Variants in MCM3AP observed in about 807,000 individuals in gnomAD.
MCM3AP encodes germinal-center associated nuclear protein.
MCM3AP carries 126 observed loss-of-function variants against 184.1 expected under a neutral mutation model. That is an observed-to-expected ratio of 0.68 (90% confidence interval 0.59 to 0.79). The LOEUF is 0.79. Among genes scored for constraint, MCM3AP ranks in the 30% least tolerant of loss-of-function variants. The probability of loss-of-function intolerance (pLI) is 0.00; values close to 1 mark genes in which losing one functional copy is unlikely to be tolerated. For synonymous variants in MCM3AP, 1,002 were observed against 979.3 expected, an observed-to-expected ratio of 1.02 and a Z score of -0.43; for missense variants, 2,496 against 2,479.2, an observed-to-expected ratio of 1.01 and a Z score of -0.14.
rs764811409 is a variant in MCM3AP, at chr21:46,261,414, A to G, written c.3336-3T>C. The G allele has an allele frequency of 5.2e-5, 84 of 1,613,656 alleles. No individual in the cohort carries two copies. The highest frequency in any genetic ancestry group is 6.9e-5 in the Non-Finnish European group (82 of 1,179,888). ...CCTCCATAGCAGCATTAGAAACACTAAACGGAGCAAAGGGGATAGCATTCA... is the reference window on the plus strand; with the variant it reads ...CCTCCATAGCAGCATTAGAAACACTGAACGGAGCAAAGGGGATAGCATTCA... On this transcript the variant is annotated splice_polypyrimidine_tract_variant and splice_region_variant and intron_variant, in intron 13 of 27. Coordinates refer to ENST00000291688, the MANE Select transcript of MCM3AP (RefSeq NM_003906.5).
intron 13 of MCM3AP, among the ~76,000 whole-genome samples, chr21:46,262,654 GA>G (rs376598121): frequency 2.8e-5 from 4 of 143,572 alleles, no homozygotes; most frequent in Admixed American, 6.9e-5. Flanking sequence ...TCTCAAAAAA[GA>G]AAAAAAAAAG....
chr21:46,258,087 G>A (rs1331317686), intron 16 of MCM3AP, among the ~76,000 whole-genome samples: 1 of 152,152 alleles, frequency 6.6e-6, no homozygotes, highest in African/African-American at 2.4e-5. Flanking sequence ...AGCAAAGGAA[G>A]GCTCAGAGCA....
chr21:46,256,676 G>A lies in MCM3AP; in HGVS notation c.3932+113C>T, dbSNP rs17176632. ...TCGCCTCCAGGCTTCACCTATCTTC[G>A]CCTCCAGGCTTCACCTATCTTCACC... is the stretch of plus-strand genomic sequence containing the variant. On this transcript the variant is annotated intron_variant, in intron 17 of 27. Transcript: ENST00000291688. 3.0e-3 allele frequency: 3,907 copies of A among 1,315,424 alleles called. 11 individuals are homozygous for A. The highest frequency in any genetic ancestry group is 0.013 in the Middle Eastern group (48 of 3,666). 81.5% of individuals were successfully genotyped at this position (1,315,424 alleles called of 1,614,324 possible).
Position 46,284,853 on chromosome 21 carries a change from C to T in MCM3AP, c.434G>A (p.Ser145Asn), listed in dbSNP as rs751278890. ...VNSGFGKTEF[S>N]FKPLENAVFK... ...CACTGCATTTTCCAGAGGTTTAAAG[C>T]TGAATTCTGTTTTCCCAAAACCAGA... Residue 145 changes from serine to asparagine, a missense_variant, in exon 1 of 28, where the codon AGC becomes AAC. Ser to Asn is a conservative substitution (Grantham distance 46, BLOSUM62 1). Around this residue, in one of 5 missense-constraint regions of MCM3AP, gnomAD observed 800 missense variants for 717.1 expected, o/e 1.12. Coordinates refer to ENST00000291688, the MANE Select transcript of MCM3AP (RefSeq NM_003906.5). The T allele has an allele frequency of 6.2e-7, 1 of 1,614,132 alleles. No homozygotes were observed. Among genetic ancestry groups the T allele is most frequent in the Non-Finnish European group, 8.5e-7 (1 of 1,180,040 alleles).
chr21:46,257,062 C>G (rs1294041704), intron 16 of MCM3AP, 76 bp from the exon 17 acceptor site: 1 of 1,523,968 alleles, frequency 6.6e-7, no homozygotes, highest in Admixed American at 2.0e-5. Context: ...AGTCAGAACT[C>G]AGGCATGGGG....
chr21:46,261,593 C>T lies in MCM3AP; in HGVS notation c.3336-182G>A, dbSNP rs191602769. The stretch of plus-strand genomic sequence containing the variant: ...ACTAAAAATACAAAAATTAGCCAGG[C>T]GCGGCAGCACACGCCTGTAGCCCCA... On this transcript the variant is annotated intron_variant, in intron 13 of 27. Transcript: ENST00000291688. Among the ~76,000 whole-genome samples the T allele has an allele frequency of 0.021, 3,123 of 151,820 alleles. 98 individuals carry two copies. The highest frequency in any genetic ancestry group is 0.08 in the South Asian group (381 of 4,790).
Position 46,284,228 on chromosome 21 carries a change from A to G in MCM3AP, c.1059T>C (p.Gly353=), listed in dbSNP as rs746022256. The part of the protein sequence containing the change: ...QDVFKSNKEV[G]RLGNKEAKKE... ...TTTTGGCCTCCTTGTTGCCCAGACGACCTACTTCCTTATTGCTTTTGAAAA... is the reference window on the plus strand; with the variant it reads ...TTTTGGCCTCCTTGTTGCCCAGACGGCCTACTTCCTTATTGCTTTTGAAAA... The change falls in exon 1 of 28, where the codon GGT becomes GGC. Residue 353 remains glycine, a synonymous_variant. Coordinates refer to ENST00000291688, the MANE Select transcript of MCM3AP (RefSeq NM_003906.5). The G allele has an allele frequency of 1.2e-6, 2 of 1,614,002 alleles. No individual in the cohort carries two copies. The highest frequency in any genetic ancestry group is 1.7e-5 in the Admixed American group (1 of 59,982).
chr21:46,266,652 C>A (rs1457105750), intron 10 of MCM3AP: 2 of 310,720 alleles, frequency 6.4e-6, no homozygotes, highest in Non-Finnish European at 1.2e-5. Flanking sequence ...TCCATCCCAG[C>A]CGTCAGAGGT....
At chr21:46,275,529 C>T (rs748008785) in intron 5 of MCM3AP, among the ~76,000 whole-genome samples, 3 of 152,126 alleles carry the variant, frequency 2.0e-5, no homozygotes, top group Non-Finnish European at 4.4e-5. Context: ...CATCAAAGCT[C>T]CCAAAGACCC....
intron 3 of MCM3AP, 131 bp downstream of exon 3, chr21:46,280,364 GAA>G: frequency 6.0e-6 from 5 of 829,014 alleles, no homozygotes; most frequent in Non-Finnish European, 9.5e-6. Flanking sequence ...ATGAGAAACT[GAA>G]AAGAGGGCCA....
Position 46,246,463 on chromosome 21 carries a change from A to G in MCM3AP, c.4550-59T>C, listed in dbSNP as rs770152619. On this transcript the variant is annotated intron_variant, in intron 21 of 27. Coordinates refer to ENST00000291688, the MANE Select transcript of MCM3AP (RefSeq NM_003906.5). ...TTCTGCTGTCAGCACACCTGCTAAC[A>G]TATCTCACTGTGCTGACCCCACCCA... 6.5e-5 allele frequency: 88 copies of G among 1,360,968 alleles called. 1 individual carries two copies. The Admixed American group carries it at 1.3e-3, about 20-fold the overall frequency. 84.3% of individuals were successfully genotyped at this position (1,360,968 alleles called of 1,614,324 possible).
intron 17 of MCM3AP, among the ~76,000 whole-genome samples, chr21:46,256,293 G>C (rs1208787974): frequency 6.6e-6 from 1 of 152,160 alleles, no homozygotes; most frequent in Non-Finnish European, 1.5e-5. Context: ...GGGAGGACCA[G>C]GGCCACACCA....
intron 13 of MCM3AP, among the ~76,000 whole-genome samples, chr21:46,262,410 G>A (rs976978377): frequency 6.6e-6 from 1 of 152,180 alleles, no homozygotes; most frequent in African/African-American, 2.4e-5. Flanking sequence ...CATTTCAGGA[G>A]GCTGAGGTGG....
chr21:46,284,584 T>C lies in MCM3AP; in HGVS notation c.703A>G (p.Lys235Glu), dbSNP rs1167732587. The C allele has an allele frequency of 6.2e-7, 1 of 1,614,074 alleles. No homozygotes were observed. Among genetic ancestry groups the C allele is most frequent in the African/African-American group, 1.3e-5 (1 of 74,932 alleles). The change falls in exon 1 of 28, where the codon AAG becomes GAG. Residue 235 changes from lysine (K) to glutamate (E), a missense_variant. By Grantham distance (56) the Lys-to-Glu change is moderately conservative (BLOSUM62 1). Transcript: ENST00000291688. ...ALSNQNVEEEKRGPKSIFGSS... is the reference protein window; with the variant it reads ...ALSNQNVEEEERGPKSIFGSS... ...CCAAATATTGACTTAGGTCCTCTCT[T>C]CTCTTCCTCTACATTTTGGTTTGAC...
In MCM3AP at chr21:46,256,886, G is replaced by T; in HGVS notation, c.3835C>A (p.Leu1279Met). 6.2e-7 allele frequency: 1 copy of T among 1,601,226 alleles called. No individual in the cohort carries two copies. The highest frequency in any genetic ancestry group is 8.5e-7 in the Non-Finnish European group (1 of 1,174,106). ...ATGGGGCACTCTGCGCTGGGCGCCAGCGCCCTCAGCCGGTCGCTCACGTCC... is the reference window on the plus strand; with the variant it reads ...ATGGGGCACTCTGCGCTGGGCGCCATCGCCCTCAGCCGGTCGCTCACGTCC... ...CVDVSDRLRALAPSAECPIAE... is the reference protein window; with the variant it reads ...CVDVSDRLRAMAPSAECPIAE... Residue 1279 changes from leucine (L) to methionine (M), a missense_variant, in exon 17 of 28, where the codon CTG becomes ATG. Physicochemically the swap from Leu to Met is conservative, Grantham distance 15. Transcript: ENST00000291688.
intron 11 of MCM3AP, 94 bp downstream of exon 11, chr21:46,265,831 T>G: frequency 6.9e-7 from 1 of 1,446,064 alleles, no homozygotes; most frequent in Admixed American, 2.3e-5. Context: ...CTGGGAGGCG[T>G]CCTGGCGAGA....
Position 46,246,843 on chromosome 21 carries a change from T to C in MCM3AP, c.4334A>G (p.Glu1445Gly). The stretch of plus-strand genomic sequence containing the variant: ...GGCTCCCAGGAGGTCCTTCTGTGTC[T>C]CCACAGCATCAATGGCACCATCACT... ...ALSDGAIDAV[E>G]TQKDLLGASG... The change falls in exon 21 of 28, where the codon GAG becomes GGG. Residue 1445 changes from glutamate (E) to glycine (G), a missense_variant. By Grantham distance (98) the Glu-to-Gly change is moderately conservative (BLOSUM62 -2). Coordinates refer to ENST00000291688, the MANE Select transcript of MCM3AP (RefSeq NM_003906.5). The C allele has an allele frequency of 6.2e-7, 1 of 1,614,136 alleles. No homozygotes were observed. Among genetic ancestry groups the C allele is most frequent in the Non-Finnish European group, 8.5e-7 (1 of 1,180,002 alleles).
chr21:46,265,661 T>A (rs1276351110), intron 11 of MCM3AP, 138 bp from the exon 12 acceptor site: 1 of 767,186 alleles, frequency 1.3e-6, no homozygotes, highest in Non-Finnish European at 2.0e-6. Context: ...GGAGACCAGC[T>A]ACGTGGGACA....
chr21:46,262,520 C>T (rs1212430182), intron 13 of MCM3AP, among the ~76,000 whole-genome samples: 5 of 152,032 alleles, frequency 3.3e-5, no homozygotes, highest in East Asian at 1.9e-4. Flanking sequence ...TGGTAGCATG[C>T]GCCTGTGGTC....
Sources: allele counts gnomAD v4.1 joint callset (sites outside exome capture counted in the v4.1 genomes callset), GRCh38; gene constraint gnomAD v4.1.1; regional missense constraint gnomAD v4.1.1; transcripts MANE v1.5; gene names NCBI Gene and HGNC (gene_info 2026-07-23, HGNC 2026-07-21).